SIN3B: variants seen among roughly 807,000 people sequenced by gnomAD.
SIN3B encodes the protein SIN3 transcription regulator family member B.
A neutral mutation model predicts 120.2 loss-of-function variants in SIN3B; 19 were observed. The observed-to-expected ratio is 0.16, with a 90% CI of 0.11 to 0.23. The LOEUF is 0.23. SIN3B is among the 10% of genes least tolerant of loss of function. The pLI, the probability that SIN3B is intolerant of heterozygous loss-of-function variation, is 1.00. For synonymous variants in SIN3B, 654 were observed against 653.2 expected (o/e 1.00, Z -0.02); for missense variants, 1,073 against 1,573.0 (o/e 0.68, Z 5.38).
chr19:16,876,451 C>T lies in SIN3B; in HGVS notation c.2767-35C>T, dbSNP rs78256972. On this transcript the variant is annotated intron_variant, in intron 15 of 18. Transcript: ENST00000248054. This position sits in a 1 kb window ranked among gnomAD's most constrained non-coding sequence, Gnocchi z 7.1. ...CTGCGCTGTGCCGGCTGGGCTGTGC[C>T]GGCAGTGGAGGCTGTCAGCGTTCCT... 2.1e-3 allele frequency: 3,312 copies of T among 1,600,434 alleles called. 89 individuals carry two copies. In the East Asian group the frequency reaches 0.054, roughly 26 times the overall value.
intron 17 of SIN3B, among the ~76,000 whole-genome samples, 155 bp downstream of exon 17, chr19:16,877,794 G>C (rs112976625): frequency 5.9e-5 from 9 of 152,308 alleles, no homozygotes; most frequent in African/African-American, 2.2e-4. Context: ...TTTGAGGCTT[G>C]TGGTTTGCAG....
In SIN3B at chr19:16,862,996, C is replaced by T. The variant is rs533611104; in HGVS notation, c.1266+437C>T. On this transcript the variant is annotated intron_variant, in intron 9 of 18. Coordinates refer to ENST00000248054, the MANE Select transcript of SIN3B (RefSeq NM_001297595.2). The surrounding 1 kb of genome is among the most constrained non-coding windows in gnomAD (Gnocchi z 4.7). ...AGTGCAGGGGTCAGCAAACTCTGGC[C>T]CACGGGCCCTGGCCCGCTGCCCGTG... The T allele has an allele frequency of 2.5e-5, 40 of 1,592,414 alleles. 1 individual carries two copies. The South Asian group carries it at 4.0e-4, about 16-fold the overall frequency.
Position 16,878,867 on chromosome 19 carries a change from G to C in SIN3B, c.*140G>C, listed in dbSNP as rs1287082758. ...CTGCCGGACAGCGCACTCCAGGGCA[G>C]GACGCCGCCCCCGTGGCTCCCGGTC... On this transcript the variant is annotated 3_prime_UTR_variant, in exon 19 of 19. Transcript: ENST00000248054. The C allele has an allele frequency of 2.6e-6, 2 of 781,586 alleles. No individual in the cohort carries two copies. The highest frequency in any genetic ancestry group is 3.5e-5 in the African/African-American group (2 of 57,096). 48.4% of individuals were successfully genotyped at this position (781,586 alleles called of 1,614,324 possible).
At chr19:16,863,161 C>T in intron 9 of SIN3B, 1 of 572,390 alleles carries the variant, frequency 1.7e-6, no homozygotes, top group Non-Finnish European at 3.1e-6. Context: ...CTGTCTGACC[C>T]TTTGCAGAGA....
chr19:16,871,186 C>T (rs370781616), intron 13 of SIN3B, 43 bp from the exon 14 acceptor site: 33 of 1,612,238 alleles, frequency 2.0e-5, no homozygotes, highest in Middle Eastern at 1.7e-4. Flanking sequence ...CGTGACTTTG[C>T]GCTCTCCAGG....
chr19:16,866,957 AT>A (rs2144616520), intron 12 of SIN3B, among the ~76,000 whole-genome samples: 1 of 152,192 alleles, frequency 6.6e-6, no homozygotes, highest in South Asian at 2.1e-4. Context: ...GGTTTTCACC[AT>A]GTTGGCCAGG....
At chr19:16,875,254 CTGGTCTGGTTT>C (rs1289115690) in intron 14 of SIN3B, among the ~76,000 whole-genome samples, 1 of 126,364 alleles carries the variant, frequency 7.9e-6, no homozygotes, top group East Asian at 2.7e-4. Context: ...TTGGTCTGGT[CTGGTCTGGTTT>C]TGGTCTGGTT....
chr19:16,851,576 C>G, intron 6 of SIN3B, 42 bp downstream of exon 6: 3 of 1,531,416 alleles, frequency 2.0e-6, no homozygotes, highest in Non-Finnish European at 2.6e-6. Flanking sequence ...ACGCGGGGCC[C>G]CCAGCAAATC....
rs775990000 is a variant in SIN3B, at chr19:16,878,295, G to A, written c.3067G>A (p.Asp1023Asn). ...GGGCGTGGAGAGCGCCTGCGACGTGGACTGCCGCTTCAAGCTCAGCACTCA... is the reference window on the plus strand; with the variant it reads ...GGGCGTGGAGAGCGCCTGCGACGTGAACTGCCGCTTCAAGCTCAGCACTCA... The part of the protein sequence containing the change: ...LVGVESACDV[D>N]CRFKLSTHKM... The change falls in exon 18 of 19, where the codon GAC (aspartate) becomes AAC (asparagine). Residue 1023 changes from aspartate (D) to asparagine (N), a missense_variant. Physicochemically the swap from Asp to Asn is conservative, Grantham distance 23 (BLOSUM62 1). Coordinates refer to ENST00000248054, the MANE Select transcript of SIN3B (RefSeq NM_001297595.2). 2 of 1,609,484 alleles carry A rather than the reference G, an allele frequency of 1.2e-6. No homozygotes were observed. The highest frequency in any genetic ancestry group is 2.2e-5 in the South Asian group (2 of 90,348).
chr19:16,876,038 T>G lies in SIN3B; in HGVS notation c.2593-17T>G. The G allele has an allele frequency of 3.2e-6, 5 of 1,540,324 alleles. No homozygotes were observed. Among genetic ancestry groups the G allele is most frequent in the Non-Finnish European group, 4.4e-6 (5 of 1,139,968 alleles). On this transcript the variant is annotated splice_polypyrimidine_tract_variant and intron_variant, in intron 14 of 18. Coordinates refer to ENST00000248054, the MANE Select transcript of SIN3B (RefSeq NM_001297595.2). This position sits in a 1 kb window ranked among gnomAD's most constrained non-coding sequence, Gnocchi z 7.1. ...CAGGAGGCGGGGTGGCCGCACCACC[T>G]GCTTTCCTCCCGCCAGCTGCACCAC...
At chr19:16,865,702 C>A in intron 11 of SIN3B, 54 bp downstream of exon 11, 1 of 1,053,410 alleles carries the variant, frequency 9.5e-7, no homozygotes, top group Non-Finnish European at 1.4e-6. Flanking sequence ...CTTCCCTCCC[C>A]TCCCCTCCCC....
chr19:16,862,271 CA>C lies in SIN3B; in HGVS notation c.1059-80del. On this transcript the variant is annotated intron_variant, in intron 8 of 18. Transcript: ENST00000248054. The surrounding 1 kb of genome is among the most constrained non-coding windows in gnomAD (Gnocchi z 4.7). ...GACTCTGTTTAACTTGTAATGTCCA[CA>C]TGAAGCCATTCTAAAATCTCCAGAT... 4 of 1,102,280 alleles carry C rather than the reference CA, an allele frequency of 3.6e-6. No individual in the cohort carries two copies. In the Admixed American group the frequency reaches 7.7e-5, roughly 21 times the overall value. The allele number at this position is 1,102,280 out of a possible 1,614,324, so 68.3% of individuals were successfully genotyped here.
chr19:16,879,600 TC>T lies in SIN3B; in HGVS notation c.*876del, dbSNP rs933762004. The T allele has an allele frequency of 6.6e-6, 1 of 152,258 alleles. No individual in the cohort carries two copies. The highest frequency in any genetic ancestry group is 2.4e-5 in the African/African-American group (1 of 41,426). The allele number at this position is 152,258 out of a possible 1,614,324, so 9.4% of individuals were successfully genotyped here. ...TTCTGTAGCAGCCAAGTCCTGCGGC[TC>T]CCTGGGGCTGAGATCTCCCTTTGTG... is the stretch of plus-strand genomic sequence containing the variant. On this transcript the variant is annotated 3_prime_UTR_variant, in exon 19 of 19. Transcript: ENST00000248054.
At position 16,871,213 on chromosome 19, in the gene SIN3B, C is replaced by T. The variant is rs760284948; in HGVS notation, c.2423-16C>T. The T allele has an allele frequency of 1.9e-5, 31 of 1,613,848 alleles. No homozygotes were observed. Among genetic ancestry groups the T allele is most frequent in the Admixed American group, 1.7e-4 (10 of 60,008 alleles). On this transcript the variant is annotated splice_polypyrimidine_tract_variant and intron_variant, in intron 13 of 18. Coordinates refer to ENST00000248054, the MANE Select transcript of SIN3B (RefSeq NM_001297595.2). ...CTCTCCAGGAGGCATATGGATGAGGCGGTGTGTCTCCGCAGGTGAAGTGGA... is the reference window on the plus strand; with the variant it reads ...CTCTCCAGGAGGCATATGGATGAGGTGGTGTGTCTCCGCAGGTGAAGTGGA...
intron 3 of SIN3B, among the ~76,000 whole-genome samples, chr19:16,835,228 CTTT>C (rs1183912183): frequency 3.2e-5 from 4 of 125,790 alleles, no homozygotes; most frequent in Non-Finnish European, 3.4e-5. Flanking sequence ...ACCTGGCCAT[CTTT>C]TTTTTTTTTT....
intron 3 of SIN3B, among the ~76,000 whole-genome samples, chr19:16,840,063 T>A (rs1202811262): frequency 6.6e-6 from 1 of 152,200 alleles, no homozygotes; most frequent in African/African-American, 2.4e-5. Context: ...GTGGCTGCTC[T>A]GCGTCTTGTA....
chr19:16,863,048 C>A, intron 9 of SIN3B: 2 of 1,139,958 alleles, frequency 1.8e-6, no homozygotes, highest in Non-Finnish European at 2.6e-6. Flanking sequence ...TACTGTCACA[C>A]AGACACAACC....
chr19:16,859,524 C>G (rs1249733943), intron 8 of SIN3B, among the ~76,000 whole-genome samples: 1 of 152,176 alleles, frequency 6.6e-6, no homozygotes, highest in African/African-American at 2.4e-5. Context: ...TCAAGCTGAG[C>G]CCATCAGAAG....
At chr19:16,840,286 T>C (rs925169646) in intron 3 of SIN3B, among the ~76,000 whole-genome samples, 1 of 152,158 alleles carries the variant, frequency 6.6e-6, no homozygotes, top group African/African-American at 2.4e-5. Flanking sequence ...CCAGTCTGAT[T>C]GGTGTCCTTA....
Sources: allele counts gnomAD v4.1 joint callset (sites outside exome capture counted in the v4.1 genomes callset), GRCh38; gene constraint gnomAD v4.1.1; non-coding constraint Gnocchi (gnomAD v3.1); transcripts MANE v1.5; gene names NCBI Gene and HGNC (gene_info 2026-07-23, HGNC 2026-07-21).